The following PRPF31 variants were observed in gnomAD, a reference collection of about 807,000 sequenced individuals.
PRPF31 encodes the protein pre-mRNA processing factor 31, also known as U4/U6 small nuclear ribonucleoprotein Prp31.
A neutral mutation model predicts 60.4 loss-of-function variants in PRPF31; 12 were observed. The observed-to-expected ratio is 0.20, with a 90% CI of 0.13 to 0.32. The LOEUF (loss-of-function observed/expected upper bound fraction) is 0.32. Ranked by LOEUF, PRPF31 falls within the 10% of genes least tolerant of loss-of-function variation. PRPF31 has a pLI of 1.00. For missense variants in PRPF31, 431 were observed against 687.1 expected (o/e 0.63, Z 4.17); for synonymous variants, 287 against 287.9 (o/e 1.00, Z 0.03).
chr19:54,123,881 C>T lies in PRPF31; in HGVS notation c.660C>T (p.Ser220=), dbSNP rs1463514560. Residue 220 remains serine (S), a synonymous_variant, in exon 7 of 14, where the codon TCC becomes TCT. Coordinates refer to ENST00000321030, the MANE Select transcript of PRPF31 (RefSeq NM_015629.4). ...SRMSFIAPNL[S]IIIGASTAAK... The stretch of plus-strand genomic sequence containing the variant: ...TGTCCTTCATCGCACCCAACCTGTC[C>T]ATCATTATCGGGGCATCCACGGCCG... 3 of 1,613,906 alleles carry T rather than the reference C, an allele frequency of 1.9e-6. No individual in the cohort carries two copies. The highest frequency in any genetic ancestry group is 2.5e-6 in the Non-Finnish European group (3 of 1,180,014).
chr19:54,118,711 C>A, intron 3 of PRPF31, 78 bp downstream of exon 3: 1 of 1,422,192 alleles, frequency 7.0e-7, no homozygotes, highest in Non-Finnish European at 9.9e-7. Flanking sequence ...CTGCTTGTGG[C>A]TGGGTATATC....
chr19:54,121,082 G>A (rs867411012), intron 3 of PRPF31, among the ~76,000 whole-genome samples: 4 of 151,964 alleles, frequency 2.6e-5, no homozygotes, highest in Non-Finnish European at 5.9e-5. Context: ...ACCTGAGGTC[G>A]GGAGTTCGAG....
At chr19:54,120,743 G>A (rs1185702579) in intron 3 of PRPF31, among the ~76,000 whole-genome samples, 1 of 152,146 alleles carries the variant, frequency 6.6e-6, no homozygotes, top group Non-Finnish European at 1.5e-5. Context: ...AGGCAGCTGG[G>A]ACCACAGGTG....
intron 8 of PRPF31, among the ~76,000 whole-genome samples, chr19:54,125,728 A>G (rs1287924037): frequency 6.6e-6 from 1 of 151,862 alleles, no homozygotes; most frequent in East Asian, 1.9e-4. Flanking sequence ...GCGACCCTTT[A>G]GGTCAGGCAC....
chr19:54,127,606 G>A (rs1018891028), intron 9 of PRPF31, among the ~76,000 whole-genome samples: 8 of 152,306 alleles, frequency 5.3e-5, no homozygotes, highest in South Asian at 2.1e-4. Flanking sequence ...ATCTGTCCCC[G>A]CTGCAACAGG....
intron 5 of PRPF31, 28 bp downstream of exon 5, chr19:54,122,622 T>C: frequency 1.3e-6 from 2 of 1,588,480 alleles, no homozygotes; most frequent in Non-Finnish European, 1.7e-6. Flanking sequence ...GGGGTGCTTC[T>C]GCTGGCGTGA....
intron 3 of PRPF31, among the ~76,000 whole-genome samples, chr19:54,120,901 A>G (rs1402246262): frequency 6.6e-6 from 1 of 152,160 alleles, no homozygotes; most frequent in Non-Finnish European, 1.5e-5. Context: ...GGTATGAGCC[A>G]CTGTGCCTGA....
intron 13 of PRPF31, among the ~76,000 whole-genome samples, chr19:54,130,022 A>G (rs1273133347): frequency 6.6e-6 from 1 of 152,106 alleles, no homozygotes. Context: ...GGGCGCAGAC[A>G]GCTCAGTAAG....
At chr19:54,119,482 T>C (rs965376720) in intron 3 of PRPF31, 1 of 151,486 alleles carries the variant, frequency 6.6e-6, no homozygotes, top group African/African-American at 2.4e-5. Context: ...AGGGCAGTCC[T>C]GTTACCATTC....
Position 54,118,649 on chromosome 19 carries a change from C to T in PRPF31, c.238+16C>T, listed in dbSNP as rs1555791321. 4.3e-6 allele frequency: 7 copies of T among 1,613,454 alleles called. No homozygotes were observed. The highest frequency in any genetic ancestry group is 5.1e-6 in the Non-Finnish European group (6 of 1,179,444). ...GCTTCAGAAGGTGCTTCCTCCCACT[C>T]TGTGCCCCTCCCCATCTCCTGTCTC... On this transcript the variant is annotated intron_variant, in intron 3 of 13. Transcript: ENST00000321030.
intron 8 of PRPF31, 111 bp from the exon 9 acceptor site, chr19:54,126,417 C>A (rs2073921960): frequency 1.0e-6 from 1 of 994,276 alleles, no homozygotes. Context: ...GGTGGAAAGC[C>A]CCCTTCCAGG....
At chr19:54,125,770 G>A (rs587651914) in intron 8 of PRPF31, among the ~76,000 whole-genome samples, 95 of 152,316 alleles carry the variant, frequency 6.2e-4, no homozygotes, top group African/African-American at 2.3e-3. Context: ...GAGGCTGGCA[G>A]GTCACCCCAT....
At chr19:54,129,485 TGTG>T in intron 13 of PRPF31, 115 bp downstream of exon 13, 3 of 1,305,938 alleles carry the variant, frequency 2.3e-6, no homozygotes, top group Non-Finnish European at 3.2e-6. Flanking sequence ...TTGTGGAGGG[TGTG>T]GTGACGAGGT....
Position 54,129,046 on chromosome 19 carries a change from C to T in PRPF31, c.1147-11C>T, listed in dbSNP as rs1443410939. 3 of 1,565,636 alleles carry T rather than the reference C, an allele frequency of 1.9e-6. No homozygotes were observed. Among genetic ancestry groups the T allele is most frequent in the Non-Finnish European group, 2.6e-6 (3 of 1,155,828 alleles). ...GTCGCTGAACTGCAGGGCGCCTCCT[C>T]TCCCCCCTAGATCGAGGAGGACGCC... On this transcript the variant is annotated splice_polypyrimidine_tract_variant and intron_variant, in intron 11 of 13. Coordinates refer to ENST00000321030, the MANE Select transcript of PRPF31 (RefSeq NM_015629.4).
chr19:54,131,189 CTG>C, intron 13 of PRPF31, 116 bp from the exon 14 acceptor site: 1 of 1,427,592 alleles, frequency 7.0e-7, no homozygotes, highest in South Asian at 1.2e-5. Flanking sequence ...GACAGGCAAA[CTG>C]TCTCATGCCC....
chr19:54,122,662 C>G (rs1000244327), intron 5 of PRPF31, 68 bp downstream of exon 5: 40 of 1,291,186 alleles, frequency 3.1e-5, no homozygotes, highest in Non-Finnish European at 2.7e-5. Flanking sequence ...TCTCGGACCC[C>G]CTCCCAGAGG....
chr19:54,118,170 A>G lies in PRPF31; in HGVS notation c.-8-101A>G, dbSNP rs1452708979. The G allele has an allele frequency of 1.9e-6, 3 of 1,551,298 alleles. No homozygotes were observed. In the Admixed American group the frequency reaches 5.0e-5, roughly 26 times the overall value. On this transcript the variant is annotated intron_variant, in intron 1 of 13. Transcript: ENST00000321030. ...TGGAGCCTGCATGCTAGTGGGGTTG[A>G]TAAAGAAGGACCAGGGTCTTCTGGG...
At chr19:54,129,218 G>T in intron 12 of PRPF31, 33 bp downstream of exon 12, 1 of 1,598,600 alleles carries the variant, frequency 6.3e-7, no homozygotes, top group South Asian at 1.1e-5. Flanking sequence ...GCTGGGGACC[G>T]AGGGACACAA....
intron 8 of PRPF31, among the ~76,000 whole-genome samples, chr19:54,125,947 T>G (rs2073911216): frequency 6.6e-6 from 1 of 152,192 alleles, no homozygotes; most frequent in African/African-American, 2.4e-5. Context: ...GGCCTCTGCC[T>G]CTTCATTTGG....
Sources: allele counts gnomAD v4.1 joint callset (sites outside exome capture counted in the v4.1 genomes callset), GRCh38; gene constraint gnomAD v4.1.1; transcripts MANE v1.5; gene names NCBI Gene and HGNC (gene_info 2026-07-23, HGNC 2026-07-21).